The following RBFOX2 variants were observed in gnomAD, a reference collection of about 807,000 sequenced individuals.
The protein encoded by RBFOX2 is RNA binding protein fox-1 homolog 2.
Under a neutral mutation model 49.1 loss-of-function variants are expected in RBFOX2, and 10 were observed. That is an observed-to-expected ratio of 0.20 (90% CI 0.13 to 0.35). The LOEUF is 0.35. RBFOX2 is among the 10% of genes least tolerant of loss of function. The probability of loss-of-function intolerance (pLI) is 1.00; values close to 1 mark genes in which losing one functional copy is unlikely to be tolerated. For synonymous variants in RBFOX2, 183 were observed against 187.4 expected, an observed-to-expected ratio of 0.98 and a Z score of 0.19; for missense variants, 323 against 486.9, an observed-to-expected ratio of 0.66 and a Z score of 3.17.
chr22:35,778,487 A>G (rs1055377977), intron 3 of RBFOX2, among the ~76,000 whole-genome samples: 4 of 152,216 alleles, frequency 2.6e-5, no homozygotes, highest in Non-Finnish European at 5.9e-5. Context: ...CTATATAAAA[A>G]GCAGAAAATA....
intron 2 of RBFOX2, among the ~76,000 whole-genome samples, chr22:35,801,077 A>G (rs932538900): frequency 6.6e-6 from 1 of 152,214 alleles, no homozygotes. Flanking sequence ...AACGAAGATT[A>G]CGGACTTAGA....
chr22:35,821,884 T>C (rs566230110), intron 1 of RBFOX2: 41 of 518,952 alleles, frequency 7.9e-5, no homozygotes, highest in African/African-American at 7.9e-4. Context: ...TGGCAAACTT[T>C]GACCAAAAGG....
intron 1 of RBFOX2, among the ~76,000 whole-genome samples, chr22:35,850,869 G>T (rs1423243023): frequency 6.6e-6 from 1 of 152,138 alleles, no homozygotes; most frequent in Non-Finnish European, 1.5e-5. Context: ...CAAACCAGTT[G>T]TAACTATTGA....
At chr22:35,858,230 C>T (rs531861596) in intron 1 of RBFOX2, among the ~76,000 whole-genome samples, 2 of 152,296 alleles carry the variant, frequency 1.3e-5, no homozygotes, top group South Asian at 2.1e-4. Context: ...ATTATTGATA[C>T]ATTCAACTAC....
At position 35,749,642 on chromosome 22, in the gene RBFOX2, A is replaced by G. The variant is rs1367539344; in HGVS notation, c.888-3081T>C. Among the ~76,000 whole-genome samples, 2 of 152,236 alleles carry G rather than the reference A, an allele frequency of 1.3e-5. No homozygotes were observed. Among genetic ancestry groups the G allele is most frequent in the African/African-American group, 4.8e-5 (2 of 41,460 alleles). On this transcript the variant is annotated intron_variant, in intron 9 of 11. Coordinates refer to ENST00000405409, the Ensembl canonical transcript of RBFOX2. This position sits in a 1 kb window ranked among gnomAD's most constrained non-coding sequence, Gnocchi z 4.1. ...ATTTCTATTCCAGATTTCAAAGTGC[A>G]TAGAAATTTCAGGCTGAGAAACCGT...
At chr22:35,941,720 C>T (rs979438302), upstream of RBFOX2, among the ~76,000 whole-genome samples, 6 of 151,920 alleles carry the variant, frequency 3.9e-5, no homozygotes, top group Non-Finnish European at 7.4e-5. Context: ...TCCTGGAGTT[C>T]AACAATGAAA....
At chr22:35,915,160 T>G (rs2050265827) in intron 1 of RBFOX2, among the ~76,000 whole-genome samples, 2 of 152,186 alleles carry the variant, frequency 1.3e-5, no homozygotes, top group Non-Finnish European at 2.9e-5. Flanking sequence ...AGCCACCTCC[T>G]TTAAGAGCAG....
At chr22:35,766,382 ATATAAATGTCT>A (rs1173260074) in intron 5 of RBFOX2, among the ~76,000 whole-genome samples, 1 of 152,174 alleles carries the variant, frequency 6.6e-6, no homozygotes, top group African/African-American at 2.4e-5. Flanking sequence ...GAAGCATAAA[ATATAAATGTCT>A]TATTTTTGCC....
Position 36,012,455 on chromosome 22 carries a change from A to G in RBFOX2, c.186+15785T>C, listed in dbSNP as rs575078358. On this transcript the variant is annotated intron_variant, in intron 1 of 13. Transcript: ENST00000438146. Reference sequence around the variant, plus strand: ...CATTTTATAAACTGTAAAACATAACACGGAAGCTGGGTGCAGCTGCTTGGA... The same window carrying G: ...CATTTTATAAACTGTAAAACATAACGCGGAAGCTGGGTGCAGCTGCTTGGA... Among the ~76,000 whole-genome samples, 5 of 152,268 alleles carry G rather than the reference A, an allele frequency of 3.3e-5. No individual in the cohort carries two copies. In the South Asian group the frequency reaches 1.0e-3, roughly 32 times the overall value.
intron 1 of RBFOX2, among the ~76,000 whole-genome samples, chr22:35,878,003 A>G (rs2149259233): frequency 6.6e-6 from 1 of 150,396 alleles, no homozygotes; most frequent in South Asian, 2.1e-4. Flanking sequence ...AAAAGTTTTT[A>G]TTTTACATAC....
chr22:35,761,901 A>T (rs1158790016), intron 6 of RBFOX2, among the ~76,000 whole-genome samples: 2 of 152,174 alleles, frequency 1.3e-5, no homozygotes, highest in African/African-American at 4.8e-5. Context: ...TAATAAAGGT[A>T]TCCATGGGCT....
chr22:35,981,785 T>C lies in RBFOX2; in HGVS notation c.187-42888A>G, dbSNP rs112050459. On this transcript the variant is annotated intron_variant, in intron 1 of 13. Transcript: ENST00000438146. ...TTTACTGGTTTTCACCAATGTGAAT[T>C]TGCACACACAAAATTAGTCATTTTC... is the stretch of plus-strand genomic sequence containing the variant. Among the ~76,000 whole-genome samples, 347 of 152,278 alleles carry C rather than the reference T, an allele frequency of 2.3e-3. 3 individuals carry two copies. The highest frequency in any genetic ancestry group is 7.1e-3 in the African/African-American group (294 of 41,564).
intron 1 of RBFOX2, among the ~76,000 whole-genome samples, chr22:35,948,701 A>C (rs1335744972): frequency 6.6e-6 from 1 of 152,138 alleles, no homozygotes; most frequent in Non-Finnish European, 1.5e-5. Context: ...ATTTTTTTTA[A>C]TTAAAATTTT....
At position 36,017,639 on chromosome 22, in the gene RBFOX2, T is replaced by C. The variant is rs906337688; in HGVS notation, c.186+10601A>G. Among the ~76,000 whole-genome samples, 4 of 152,110 alleles carry C rather than the reference T, an allele frequency of 2.6e-5. No individual in the cohort carries two copies. In the East Asian group the frequency reaches 7.7e-4, roughly 29 times the overall value. ...ATCAAATAGTTCTCACCCCAAATGG[T>C]GGTAATACATGCGAACTGCTACACT... On this transcript the variant is annotated intron_variant, in intron 1 of 13. Coordinates refer to the RBFOX2 transcript ENST00000438146.
At chr22:35,832,808 T>C (rs5755958) in intron 1 of RBFOX2, among the ~76,000 whole-genome samples, 33,746 of 152,082 alleles carry the variant, frequency 0.22, 5,684 homozygotes, top group African/African-American at 0.47. Flanking sequence ...TGCACCACTG[T>C]ACTCCAGCCT....
chr22:35,938,489 T>G (rs1167520976), intron 1 of RBFOX2, among the ~76,000 whole-genome samples: 2 of 152,128 alleles, frequency 1.3e-5, no homozygotes, highest in African/African-American at 4.8e-5. Flanking sequence ...AAAAACTCTG[T>G]GCAGGCAGGG....
intron 2 of RBFOX2, among the ~76,000 whole-genome samples, chr22:35,807,543 C>A (rs1360395657): frequency 6.7e-6 from 1 of 150,116 alleles, no homozygotes; most frequent in Non-Finnish European, 1.5e-5. Flanking sequence ...TAAAATGTCT[C>A]GAACGAAAAA....
chr22:36,010,338 G>C (rs2058768629), intron 1 of RBFOX2, among the ~76,000 whole-genome samples: 2 of 152,042 alleles, frequency 1.3e-5, no homozygotes, highest in Non-Finnish European at 2.9e-5. Flanking sequence ...CACAGCATCT[G>C]GTGCCCTGCC....
At chr22:35,988,331 C>G (rs2057811010) in intron 1 of RBFOX2, among the ~76,000 whole-genome samples, 2 of 152,090 alleles carry the variant, frequency 1.3e-5, no homozygotes, top group African/African-American at 4.8e-5. Context: ...GTGCTACATA[C>G]TGGGAATTTA....
Sources: gnomAD v4.1 joint callset for allele counts (sites outside exome capture counted in the v4.1 genomes callset) on GRCh38, gnomAD v4.1.1 for gene constraint, Gnocchi (gnomAD v3.1) non-coding constraint, MANE v1.5 for transcripts, NCBI Gene and HGNC (gene_info 2026-07-23, HGNC 2026-07-21) for gene names.